AKIRIN2: variants seen among roughly 807,000 people sequenced by gnomAD.
AKIRIN2 encodes akirin 2.
In AKIRIN2, 6 loss-of-function variants were observed where a neutral mutation model predicts 29.3. The observed-to-expected ratio is 0.20, with a 90% CI of 0.11 to 0.40. The LOEUF (loss-of-function observed/expected upper bound fraction) is 0.40. AKIRIN2 is among the 10% of genes least tolerant of loss of function. The pLI, the probability that AKIRIN2 is intolerant of heterozygous loss-of-function variation, is 1.00. For synonymous variants in AKIRIN2, 128 were observed against 117.5 expected (o/e 1.09, Z -0.58); for missense variants, 210 against 276.1 (o/e 0.76, Z 1.70).
intron 1 of AKIRIN2, among the ~76,000 whole-genome samples, chr6:87,689,711 T>A (rs1347420741): frequency 6.6e-6 from 1 of 152,190 alleles, no homozygotes; most frequent in Non-Finnish European, 1.5e-5. Flanking sequence ...AGTTCTCAAG[T>A]GCTTCTACAA....
intron 1 of AKIRIN2, among the ~76,000 whole-genome samples, chr6:87,694,314 T>C (rs1771325820): frequency 6.6e-6 from 1 of 152,214 alleles, no homozygotes; most frequent in African/African-American, 2.4e-5. Context: ...CCAATTTCAA[T>C]ATTTAGGCTA....
intron 1 of AKIRIN2, among the ~76,000 whole-genome samples, chr6:87,697,281 C>T (rs995846208): frequency 5.3e-5 from 8 of 150,702 alleles, no homozygotes; most frequent in Non-Finnish European, 8.8e-5. Context: ...CCACTGCACT[C>T]CAGCCTGAGT....
At chr6:87,691,238 T>G (rs1338805128) in intron 1 of AKIRIN2, among the ~76,000 whole-genome samples, 1 of 151,044 alleles carries the variant, frequency 6.6e-6, no homozygotes, top group East Asian at 1.9e-4. Flanking sequence ...AGGCTAGGAG[T>G]TGGAGACCAG....
At chr6:87,701,389 C>A (rs1319971022) in intron 1 of AKIRIN2, 61 bp downstream of exon 1, 2 of 1,509,656 alleles carry the variant, frequency 1.3e-6, no homozygotes, top group South Asian at 1.2e-5. Context: ...GCATCCCACA[C>A]CCCAGGACCC....
intron 3 of AKIRIN2, among the ~76,000 whole-genome samples, chr6:87,676,469 A>C (rs1158167286): frequency 1.7e-5 from 2 of 118,626 alleles, no homozygotes; most frequent in African/African-American, 3.2e-5. Flanking sequence ...AAAAAAAAAA[A>C]AACGAGGCCG....
chr6:87,699,944 C>G (rs2128303261), intron 1 of AKIRIN2, among the ~76,000 whole-genome samples: 1 of 152,242 alleles, frequency 6.6e-6, no homozygotes, highest in Admixed American at 6.5e-5. Context: ...AGTACAGAAT[C>G]CATTTCAATT....
At chr6:87,689,819 G>A (rs944470875) in intron 1 of AKIRIN2, among the ~76,000 whole-genome samples, 2 of 152,162 alleles carry the variant, frequency 1.3e-5, no homozygotes, top group South Asian at 2.1e-4. Flanking sequence ...TGATGCTGCC[G>A]GTCAGGACTG....
At position 87,688,740 on chromosome 6, in the gene AKIRIN2, T is replaced by C. The variant is rs1051064164; in HGVS notation, c.236-6977A>G. On this transcript the variant is annotated intron_variant, in intron 1 of 4. Transcript: ENST00000257787. Reference sequence around the variant, plus strand: ...TGCACTCCAGCCTGGGCAACAAGAGTGAAACTCCGTCTCAATAAAAAAAAC... The same window carrying C: ...TGCACTCCAGCCTGGGCAACAAGAGCGAAACTCCGTCTCAATAAAAAAAAC... 2.3e-4 allele frequency among the ~76,000 whole-genome samples: 35 copies of C among 150,672 alleles called. 2 individuals carry two copies. The highest frequency in any genetic ancestry group is 2.2e-3 in the Admixed American group (33 of 15,148).
intron 1 of AKIRIN2, among the ~76,000 whole-genome samples, chr6:87,686,639 G>T (rs929476001): frequency 2.6e-5 from 4 of 151,456 alleles, no homozygotes; most frequent in African/African-American, 4.9e-5. Context: ...AGGTGTATGG[G>T]GCCCCTCTGT....
chr6:87,688,059 G>A (rs1437268809), intron 1 of AKIRIN2, among the ~76,000 whole-genome samples: 1 of 152,050 alleles, frequency 6.6e-6, no homozygotes, highest in Non-Finnish European at 1.5e-5. Flanking sequence ...TTGATCCCAG[G>A]AGTGCCAGGC....
At chr6:87,694,020 G>A (rs1771320721) in intron 1 of AKIRIN2, among the ~76,000 whole-genome samples, 1 of 152,154 alleles carries the variant, frequency 6.6e-6, no homozygotes, top group African/African-American at 2.4e-5. Context: ...AGTAATGTTT[G>A]AAAAATTGGC....
chr6:87,698,766 T>A lies in AKIRIN2; in HGVS notation c.235+2684A>T, dbSNP rs566268692. 4.6e-5 allele frequency among the ~76,000 whole-genome samples: 7 copies of A among 152,286 alleles called. No individual in the cohort carries two copies. The South Asian group carries it at 1.4e-3, about 32-fold the overall frequency. ...GTCCTTCCTTTTTCCTAGTATTAAG[T>A]TGCAACAGTTTGAAAAATATTTAAA... On this transcript the variant is annotated intron_variant, in intron 1 of 4. Transcript: ENST00000257787.
At chr6:87,677,677 A>T in intron 3 of AKIRIN2, 141 bp downstream of exon 3, 1 of 1,026,274 alleles carries the variant, frequency 9.7e-7, no homozygotes, top group Non-Finnish European at 1.4e-6. Flanking sequence ...TAAGAAGGTT[A>T]ATTTTCTTTC....
At chr6:87,677,033 C>T (rs1393301353) in intron 3 of AKIRIN2, among the ~76,000 whole-genome samples, 2 of 148,540 alleles carry the variant, frequency 1.3e-5, no homozygotes, top group African/African-American at 2.5e-5. Flanking sequence ...GCCAAGACTG[C>T]GCCACTGCAC....
At chr6:87,688,011 A>G (rs1293134328) in intron 1 of AKIRIN2, among the ~76,000 whole-genome samples, 4 of 152,138 alleles carry the variant, frequency 2.6e-5, no homozygotes, top group African/African-American at 7.2e-5. Flanking sequence ...CTTGCCCTTT[A>G]GTCCCCAGCT....
At chr6:87,693,660 G>C (rs1239578633) in intron 1 of AKIRIN2, among the ~76,000 whole-genome samples, 1 of 150,876 alleles carries the variant, frequency 6.6e-6, no homozygotes, top group Non-Finnish European at 1.5e-5. Context: ...AGGAGGCAGA[G>C]GTTGCAGTGA....
At chr6:87,680,787 A>AAT (rs1771108809) in intron 2 of AKIRIN2, among the ~76,000 whole-genome samples, 1 of 114,658 alleles carries the variant, frequency 8.7e-6, no homozygotes, top group African/African-American at 3.6e-5. Context: ...TTTTTTTTTT[A>AAT]AAAAAAAGGA....
chr6:87,685,438 G>A (rs1256471445), intron 1 of AKIRIN2, among the ~76,000 whole-genome samples: 1 of 152,182 alleles, frequency 6.6e-6, no homozygotes, highest in Non-Finnish European at 1.5e-5. Flanking sequence ...TGCCTACTTA[G>A]TCTTAAGCTA....
At position 87,701,813 on chromosome 6, in the gene AKIRIN2, G is replaced by A; in HGVS notation, c.-129C>T. On this transcript the variant is annotated 5_prime_UTR_variant, in exon 1 of 5. Transcript: ENST00000257787. ...CCCGACGGGCTCAGGAGCCAAGCGG[G>A]TCGCGGAGCGCCGGCTGTGGAAAGG... The A allele has an allele frequency of 1.6e-6, 1 of 619,070 alleles. No individual in the cohort carries two copies. Among genetic ancestry groups the A allele is most frequent in the Middle Eastern group, 4.4e-4 (1 of 2,272 alleles). The allele number at this position is 619,070 out of a possible 1,614,324, so 38.3% of individuals were successfully genotyped here. A position where few individuals can be genotyped will look rare whatever the true frequency, so the allele number is the denominator to read the frequency against.
Sources: gnomAD v4.1 joint callset for allele counts (sites outside exome capture counted in the v4.1 genomes callset) on GRCh38, gnomAD v4.1.1 for gene constraint, MANE v1.5 for transcripts, NCBI Gene and HGNC (gene_info 2026-07-23, HGNC 2026-07-21) for gene names.